FANCI: variants seen among roughly 807,000 people sequenced by gnomAD.
FANCI encodes the protein Fanconi anemia group I protein.
A neutral mutation model predicts 176.1 loss-of-function variants in FANCI; 156 were observed. The observed-to-expected ratio is 0.89, with a 90% CI of 0.78 to 1.01. The LOEUF (loss-of-function observed/expected upper bound fraction) is 1.01, where lower values mean the gene tolerates loss of function less well. Ranked by LOEUF, FANCI falls within the 50% of genes least tolerant of loss-of-function variation. The pLI is 0.00. For synonymous variants in FANCI, 613 were observed against 541.7 expected, an observed-to-expected ratio of 1.13 and a Z score of -1.83; for missense variants, 1,678 against 1,534.1, an observed-to-expected ratio of 1.09 and a Z score of -1.57.
chr15:89,264,080 C>G, intron 8 of FANCI, 54 bp downstream of exon 8: 1 of 1,603,304 alleles, frequency 6.2e-7, no homozygotes, highest in South Asian at 1.1e-5. Context: ...CAGTTATGAC[C>G]ATTCAACTTA....
chr15:89,273,402 ATAACT>A lies in FANCI; in HGVS notation c.912_916del (p.Asn304LysfsTer23). ...GTAGGACAGCAAGGAGATTCCAATA[ATAACT>A]TAAGTCCCTTCAGCATTGCTCTTCT... On this transcript the variant is annotated frameshift_variant, in exon 11 of 38. Transcript: ENST00000310775. LOFTEE classifies it high-confidence loss of function. 1.2e-6 allele frequency: 2 copies of A among 1,606,468 alleles called. No homozygotes were observed. The highest frequency in any genetic ancestry group is 1.7e-6 in the Non-Finnish European group (2 of 1,174,192).
chr15:89,288,692 C>T (rs2053927571), intron 18 of FANCI, among the ~76,000 whole-genome samples: 1 of 150,828 alleles, frequency 6.6e-6, no homozygotes, highest in Non-Finnish European at 1.5e-5. Context: ...CAGTCTAACT[C>T]ACTGCAGCCT....
In FANCI at chr15:89,292,777, G is replaced by GGAA; in HGVS notation, c.2085_2087dup (p.Glu696dup). The GGAA allele has an allele frequency of 6.2e-7, 1 of 1,613,908 alleles. No individual in the cohort carries two copies. Among genetic ancestry groups the GGAA allele is most frequent in the African/African-American group, 1.3e-5 (1 of 75,016 alleles). ...AGCAGGGAGAGGAGGAAGAGGAGGA[G>GGAA]GAAGAGGCATTCTACGAAGACCTAG... On this transcript the variant is annotated inframe_insertion, in exon 21 of 38. Transcript: ENST00000310775.
At chr15:89,263,519 A>AGTTT in intron 7 of FANCI, 59 bp downstream of exon 7, 2 of 1,376,986 alleles carry the variant, frequency 1.5e-6, no homozygotes, top group Non-Finnish European at 2.1e-6. Flanking sequence ...TACTTGCTAG[A>AGTTT]AATTAAACTA....
At chr15:89,287,619 G>C (rs1006568509) in intron 18 of FANCI, among the ~76,000 whole-genome samples, 3 of 152,178 alleles carry the variant, frequency 2.0e-5, no homozygotes, top group Non-Finnish European at 2.9e-5. Flanking sequence ...ACTTGCCTCA[G>C]CTTGTAACAT....
At position 89,285,275 on chromosome 15, in the gene FANCI, A is replaced by C. The variant is rs1303706260; in HGVS notation, c.1821+57A>C. 42 of 1,601,436 alleles carry C rather than the reference A, an allele frequency of 2.6e-5. No individual in the cohort carries two copies. In the East Asian group the frequency reaches 5.9e-4, roughly 22 times the overall value. ...AACCCCAACTAATAATTTTTATTTT[A>C]GTAATTTTTTTCCTGATTATAAAAG... On this transcript the variant is annotated intron_variant, in intron 18 of 37. Transcript: ENST00000310775.
chr15:89,294,078 T>C (rs1325995085), intron 23 of FANCI, 81 bp downstream of exon 23: 1 of 1,476,232 alleles, frequency 6.8e-7, no homozygotes, highest in African/African-American at 1.4e-5. Flanking sequence ...TTCACCTCGT[T>C]TGGATTGTTT....
At chr15:89,260,881 T>G in intron 4 of FANCI, 38 bp downstream of exon 4, 1 of 1,608,038 alleles carries the variant, frequency 6.2e-7, no homozygotes. Context: ...TGGGGGTAGG[T>G]TTTTGAGGGT....
At chr15:89,286,777 A>C (rs1223077005) in intron 18 of FANCI, among the ~76,000 whole-genome samples, 2 of 152,316 alleles carry the variant, frequency 1.3e-5, no homozygotes, top group East Asian at 1.9e-4. Flanking sequence ...CAAGACAGTC[A>C]GCCTGTCCTT....
intron 2 of FANCI, among the ~76,000 whole-genome samples, chr15:89,249,517 T>G (rs2052144953): frequency 6.6e-6 from 1 of 151,968 alleles, no homozygotes; most frequent in Non-Finnish European, 1.5e-5. Flanking sequence ...CCGACTAATT[T>G]TTGTATTTTT....
intron 18 of FANCI, 48 bp from the exon 19 acceptor site, chr15:89,290,165 C>G: frequency 3.7e-6 from 5 of 1,364,936 alleles, no homozygotes; most frequent in Non-Finnish European, 5.2e-6. Context: ...GTCCAGATCA[C>G]TAGTATCTCT....
At chr15:89,308,629 G>T (rs2054823347) in intron 34 of FANCI, among the ~76,000 whole-genome samples, 1 of 152,040 alleles carries the variant, frequency 6.6e-6, no homozygotes, top group Admixed American at 6.5e-5. Flanking sequence ...TGTATTCAGG[G>T]TGCCTCTTCC....
At chr15:89,271,310 G>T (rs1331907317) in intron 10 of FANCI, among the ~76,000 whole-genome samples, 5 of 151,640 alleles carry the variant, frequency 3.3e-5, no homozygotes, top group African/African-American at 4.8e-5. Flanking sequence ...CATTTAATCT[G>T]CATTAGCACT....
In FANCI at chr15:89,315,305, G is replaced by A; in HGVS notation, c.3840G>A (p.Lys1280=). ...AGGTGAACCTGATGCAGCACATGAAGCTCAGCACCTCACGAGACTTCAAGA... is the reference window on the plus strand; with the variant it reads ...AGGTGAACCTGATGCAGCACATGAAACTCAGCACCTCACGAGACTTCAAGA... ...KSKVNLMQHM[K]LSTSRDFKIK... Residue 1280 remains lysine, a synonymous_variant, in exon 37 of 38, where the codon AAG becomes AAA. Transcript: ENST00000310775. The A allele has an allele frequency of 6.2e-7, 1 of 1,613,762 alleles. No individual in the cohort carries two copies. The highest frequency in any genetic ancestry group is 1.3e-5 in the African/African-American group (1 of 75,034).
chr15:89,280,105 T>A (rs1302819683), intron 14 of FANCI, among the ~76,000 whole-genome samples: 1 of 152,188 alleles, frequency 6.6e-6, no homozygotes, highest in Non-Finnish European at 1.5e-5. Flanking sequence ...CACTGCAACC[T>A]CCGCCTCCCG....
intron 34 of FANCI, chr15:89,307,960 G>A: frequency 7.7e-7 from 1 of 1,300,288 alleles, no homozygotes; most frequent in Non-Finnish European, 9.8e-7. Context: ...TTTATTCCTG[G>A]GTGACTGAAA....
At chr15:89,260,609 G>A in intron 3 of FANCI, 104 bp from the exon 4 acceptor site, 1 of 1,455,400 alleles carries the variant, frequency 6.9e-7, no homozygotes, top group Non-Finnish European at 9.6e-7. Context: ...TCAGTCGTTT[G>A]ATAATTCTGT....
At chr15:89,293,723 T>TCTAAATGA in intron 22 of FANCI, 110 bp from the exon 23 acceptor site, 1 of 1,056,100 alleles carries the variant, frequency 9.5e-7, no homozygotes, top group Admixed American at 1.9e-5. Flanking sequence ...TTTATAATGT[T>TCTAAATGA]ACGTCTAAAA....
At chr15:89,300,760 A>G (rs893535935) in intron 26 of FANCI, among the ~76,000 whole-genome samples, 5 of 152,256 alleles carry the variant, frequency 3.3e-5, no homozygotes, top group East Asian at 1.9e-4. Flanking sequence ...TTTCTAACCA[A>G]TAGTTGTCAA....
Sources: allele counts gnomAD v4.1 joint callset (sites outside exome capture counted in the v4.1 genomes callset), GRCh38; gene constraint gnomAD v4.1.1; transcripts MANE v1.5; gene names NCBI Gene and HGNC (gene_info 2026-07-23, HGNC 2026-07-21).